Variants in DNAJB4 observed in about 807,000 individuals in gnomAD.
DNAJB4 encodes DnaJ heat shock protein family (Hsp40) member B4, also known as dnaJ homolog subfamily B member 4.
A neutral mutation model predicts 26.6 loss-of-function variants in DNAJB4; 10 were observed. The ratio of observed to expected loss-of-function variants is 0.38; its 90% confidence interval spans 0.23 to 0.64. The LOEUF is 0.64. DNAJB4 is among the 30% of genes least tolerant of loss of function. The pLI is 0.58. For synonymous variants in DNAJB4, 136 were observed against 134.8 expected, an observed-to-expected ratio of 1.01 and a Z score of -0.06; for missense variants, 328 against 408.2, an observed-to-expected ratio of 0.80 and a Z score of 1.69.
upstream of DNAJB4, among the ~76,000 whole-genome samples, chr1:78,002,359 AT>A (rs1557507020): frequency 1.3e-5 from 2 of 152,184 alleles, no homozygotes; most frequent in Non-Finnish European, 2.9e-5. Context: ...ATCGTATTGT[AT>A]AATGGATTTT....
intron 1 of DNAJB4, among the ~76,000 whole-genome samples, chr1:78,009,935 T>C (rs1660425204): frequency 6.6e-6 from 1 of 152,150 alleles, no homozygotes; most frequent in African/African-American, 2.4e-5. Context: ...AGGATTTTTT[T>C]CATTCATTAG....
At chr1:78,015,831 G>A (rs956701450) in intron 2 of DNAJB4, among the ~76,000 whole-genome samples, 183 bp from the exon 3 acceptor site, 1 of 151,902 alleles carries the variant, frequency 6.6e-6, no homozygotes, top group African/African-American at 2.4e-5. Flanking sequence ...TTACAGGTGT[G>A]AGCCACCGTG....
intron 1 of DNAJB4, among the ~76,000 whole-genome samples, chr1:78,011,071 G>GT (rs1349047998): frequency 6.6e-6 from 1 of 152,068 alleles, no homozygotes; most frequent in African/African-American, 2.4e-5. Context: ...TTTCCTGCTT[G>GT]TTTCTTGATC....
chr1:77,985,195 G>T (rs1270771051), intron 1 of DNAJB4, among the ~76,000 whole-genome samples: 2 of 152,168 alleles, frequency 1.3e-5, no homozygotes, highest in Non-Finnish European at 2.9e-5. Flanking sequence ...ATCTTTGCCA[G>T]TGAAATCCTT....
chr1:77,986,886 C>T (rs978486481), intron 1 of DNAJB4, among the ~76,000 whole-genome samples: 1 of 152,078 alleles, frequency 6.6e-6, no homozygotes, highest in Non-Finnish European at 1.5e-5. Flanking sequence ...TTCTACCACC[C>T]TCAGCTTCTT....
At chr1:78,004,324 A>G (rs1660265129), upstream of DNAJB4, 1 of 152,232 alleles carries the variant, frequency 6.6e-6, no homozygotes, top group African/African-American at 2.4e-5. Context: ...ATAACTAGTT[A>G]GCTAAAATCA....
intron 1 of DNAJB4, among the ~76,000 whole-genome samples, chr1:77,987,153 T>C (rs181047694): frequency 1.3e-5 from 2 of 152,372 alleles, no homozygotes; most frequent in Admixed American, 6.5e-5. Flanking sequence ...GTAATAGTTA[T>C]TCTTACTACT....
chr1:77,983,908 T>C (rs1659731374), intron 1 of DNAJB4, among the ~76,000 whole-genome samples: 1 of 152,190 alleles, frequency 6.6e-6, no homozygotes, highest in South Asian at 2.1e-4. Context: ...TGGCCGACTT[T>C]TGCTTATTTT....
Position 78,015,550 on chromosome 1 carries a change from CTTTTTTT to C in DNAJB4, c.781-452_781-446del, listed in dbSNP as rs766899519. Among the ~76,000 whole-genome samples, 11 of 57,800 alleles carry C rather than the reference CTTTTTTT, an allele frequency of 1.9e-4. No individual in the cohort carries two copies. The East Asian group carries it at 3.5e-3, about 18-fold the overall frequency. 37.9% of individuals were successfully genotyped at this position (57,800 alleles called of 152,430 possible). On this transcript the variant is annotated intron_variant, in intron 2 of 2. Transcript: ENST00000370763. Reference sequence around the variant, plus strand: ...TTTTCTTTTTCTTTCTTTCTTTCTTCTTTTTTTTTTTTTTTTTTGAGACAGTTTTGCT... The same window carrying C: ...TTTTCTTTTTCTTTCTTTCTTTCTTCTTTTTTTTTTTGAGACAGTTTTGCT...
At chr1:77,982,988 GCTGAACCAGC>G (rs1659695877) in intron 1 of DNAJB4, among the ~76,000 whole-genome samples, 1 of 152,200 alleles carries the variant, frequency 6.6e-6, no homozygotes, top group Non-Finnish European at 1.5e-5. Flanking sequence ...GACAAAGTAT[GCTGAACCAGC>G]GTTCAGCATA....
intron 1 of DNAJB4, among the ~76,000 whole-genome samples, chr1:77,993,263 A>G (rs1659979758): frequency 6.6e-6 from 1 of 152,158 alleles, no homozygotes. Flanking sequence ...CAAAAGCAAC[A>G]ATAGACATTA....
chr1:77,996,296 G>A (rs1296709800), intron 1 of DNAJB4, among the ~76,000 whole-genome samples: 2 of 152,106 alleles, frequency 1.3e-5, no homozygotes, highest in Non-Finnish European at 2.9e-5. Flanking sequence ...TGGGACTACA[G>A]GCACATGCCA....
At chr1:78,000,529 G>A (rs551087503), upstream of DNAJB4, among the ~76,000 whole-genome samples, 2 of 152,204 alleles carry the variant, frequency 1.3e-5, no homozygotes, top group South Asian at 2.1e-4. Context: ...TATTCCCTGG[G>A]TGTCACCTCG....
chr1:78,013,019 T>C (rs1414531973), intron 1 of DNAJB4, 32 bp from the exon 2 acceptor site: 18 of 1,519,288 alleles, frequency 1.2e-5, no homozygotes, highest in Non-Finnish European at 1.4e-5. Context: ...AGTTGCAAGC[T>C]TTTTTCTAAT....
rs370950402 is a variant in DNAJB4 at position 77,989,494 on chromosome 1, A to T, written c.-32+9172A>T. 1.8e-4 allele frequency among the ~76,000 whole-genome samples: 27 copies of T among 152,140 alleles called. No homozygotes were observed. In the East Asian group the frequency reaches 3.9e-3, roughly 22 times the overall value. ...TTCAATTTACCACATTCTAGCTTTT[A>T]TTGGTCACAATTCTATCTACCTCAT... is the stretch of plus-strand genomic sequence containing the variant. On this transcript the variant is annotated intron_variant, in intron 1 of 2. Transcript: ENST00000426517.
chr1:78,013,603 A>G lies in DNAJB4; in HGVS notation c.764A>G (p.Lys255Arg). 6.3e-7 allele frequency: 1 copy of G among 1,585,658 alleles called. No homozygotes were observed. Among genetic ancestry groups the G allele is most frequent in the Non-Finnish European group, 8.5e-7 (1 of 1,171,410 alleles). The change falls in exon 2 of 3, where the codon AAA becomes AGA. Residue 255 changes from lysine (K) to arginine (R), a missense_variant. Transcript: ENST00000370763. ...GGATCAAATATAATTTATACTGCTA[A>G]AATTAGTTTACGAGAGGTAAGTTGG... is the stretch of plus-strand genomic sequence containing the variant. Reference protein sequence around the residue: ...RDGSNIIYTAKISLREALCGC... With the variant: ...RDGSNIIYTARISLREALCGC...
chr1:77,990,670 T>C (rs1659911867), intron 1 of DNAJB4, among the ~76,000 whole-genome samples: 1 of 152,200 alleles, frequency 6.6e-6, no homozygotes, highest in East Asian at 1.9e-4. Flanking sequence ...TCTTATATTC[T>C]ATACTTTCAT....
chr1:77,986,085 A>T (rs1279552833), intron 1 of DNAJB4, among the ~76,000 whole-genome samples: 5 of 152,136 alleles, frequency 3.3e-5, no homozygotes, highest in African/African-American at 1.2e-4. Context: ...TTCCTAGTGT[A>T]TGTTAAATTA....
Position 78,017,118 on chromosome 1 carries a change from T to C in DNAJB4, c.*871T>C, listed in dbSNP as rs1224148053. The stretch of plus-strand genomic sequence containing the variant: ...TACTAATAATATTCTATATGTACTT[T>C]ATGTAATTTCCCTAAAAAGAATGAA... On this transcript the variant is annotated 3_prime_UTR_variant, in exon 3 of 3. Coordinates refer to ENST00000370763, the MANE Select transcript of DNAJB4 (RefSeq NM_007034.5). The C allele has an allele frequency of 1.3e-5, 2 of 152,010 alleles. No individual in the cohort carries two copies. The highest frequency in any genetic ancestry group is 2.9e-5 in the Non-Finnish European group (2 of 67,898). The allele number at this position is 152,010 out of a possible 1,614,324, so 9.4% of individuals were successfully genotyped here. A position where few individuals can be genotyped will look rare whatever the true frequency, so the allele number is the denominator to read the frequency against.
Sources: allele counts gnomAD v4.1 joint callset (sites outside exome capture counted in the v4.1 genomes callset), GRCh38; gene constraint gnomAD v4.1.1; transcripts MANE v1.5; gene names NCBI Gene and HGNC (gene_info 2026-07-23, HGNC 2026-07-21).